The following RNF217 variants were observed in gnomAD, a reference collection of about 807,000 sequenced individuals.
RNF217 encodes the protein E3 ubiquitin-protein ligase RNF217.
In RNF217, 31 loss-of-function variants were observed where a neutral mutation model predicts 57.8. That is an observed-to-expected ratio of 0.54 (90% confidence interval 0.40 to 0.72). The LOEUF (loss-of-function observed/expected upper bound fraction) is 0.72, where lower values mean the gene tolerates loss of function less well. Among genes scored for constraint, RNF217 ranks in the 30% least tolerant of loss-of-function variants. The pLI is 0.00. For missense variants in RNF217, 696 were observed against 708.3 expected (o/e 0.98, Z 0.20); for synonymous variants, 313 against 294.0 (o/e 1.06, Z -0.66).
intron 1 of RNF217, among the ~76,000 whole-genome samples, chr6:125,018,711 A>T (rs1415010835): frequency 1.3e-5 from 2 of 152,336 alleles, no homozygotes; most frequent in Admixed American, 6.5e-5. Context: ...TTTGGTAAAG[A>T]TGGTAGTAGG....
intron 1 of RNF217, among the ~76,000 whole-genome samples, chr6:124,998,501 T>G (rs538902220): frequency 2.0e-5 from 3 of 152,304 alleles, no homozygotes; most frequent in Admixed American, 2.0e-4. Context: ...GTCATAACAT[T>G]TAAAAACTGT....
intron 1 of RNF217, among the ~76,000 whole-genome samples, chr6:124,967,326 C>T (rs1248460820): frequency 6.6e-6 from 1 of 152,162 alleles, no homozygotes; most frequent in Non-Finnish European, 1.5e-5. Flanking sequence ...TTATCTGTTG[C>T]CTTCTTTGTT....
intron 3 of RNF217, among the ~76,000 whole-genome samples, chr6:125,065,116 A>G (rs1439400640): frequency 6.6e-6 from 1 of 151,320 alleles, no homozygotes; most frequent in Non-Finnish European, 1.5e-5. Flanking sequence ...TCTACTAAAA[A>G]TAAAAAATAA....
intron 1 of RNF217, among the ~76,000 whole-genome samples, chr6:124,978,447 TG>T (rs767893055): frequency 8.0e-5 from 12 of 150,296 alleles, no homozygotes; most frequent in Non-Finnish European, 1.3e-4. Context: ...ATGAGGGGAA[TG>T]CGGTGGTGCC....
intron 2 of RNF217, among the ~76,000 whole-genome samples, chr6:125,053,646 A>G (rs1368215802): frequency 6.6e-6 from 1 of 152,038 alleles, no homozygotes; most frequent in Non-Finnish European, 1.5e-5. Context: ...TCCTTACTCG[A>G]CTTGATGAAT....
In RNF217 at chr6:124,963,422, C is replaced by T; in HGVS notation, c.878C>T (p.Ala293Val). 2 of 1,458,964 alleles carry T rather than the reference C, an allele frequency of 1.4e-6. No individual in the cohort carries two copies. Among genetic ancestry groups the T allele is most frequent in the South Asian group, 1.4e-5 (1 of 70,962 alleles). 90.4% of individuals were successfully genotyped at this position (1,458,964 alleles called of 1,614,324 possible). A position where few individuals can be genotyped will look rare whatever the true frequency, so the allele number is the denominator to read the frequency against. ...GAGTGCCTCAAAGTCTACCTGAGCG[C>T]CCAGGTAACTTCACCCCCTTCTCTT... ...CEECLKVYLS[A>V]QVQLGQVEIK... The change falls in exon 1 of 6, where the codon GCC becomes GTC. Residue 293 changes from alanine (A) to valine (V), a missense_variant. Coordinates refer to ENST00000521654, the MANE Select transcript of RNF217 (RefSeq NM_001286398.3).
chr6:124,964,984 T>A (rs1783481427), intron 1 of RNF217, among the ~76,000 whole-genome samples: 1 of 152,090 alleles, frequency 6.6e-6, no homozygotes, highest in South Asian at 2.1e-4. Context: ...TCAAGGGAGG[T>A]AGTCATTGTG....
chr6:125,064,437 T>A (rs1321968210), intron 3 of RNF217, among the ~76,000 whole-genome samples: 2 of 152,202 alleles, frequency 1.3e-5, no homozygotes, highest in African/African-American at 4.8e-5. Context: ...TAGTACTTGC[T>A]TACGGTCCTG....
chr6:125,044,401 T>C (rs936580045), intron 1 of RNF217, among the ~76,000 whole-genome samples: 1 of 152,110 alleles, frequency 6.6e-6, no homozygotes, highest in Non-Finnish European at 1.5e-5. Flanking sequence ...TGTCCACACT[T>C]TGTGCTTTAA....
chr6:124,976,692 A>G (rs542745899), intron 1 of RNF217, among the ~76,000 whole-genome samples: 1 of 151,986 alleles, frequency 6.6e-6, no homozygotes, highest in East Asian at 1.9e-4. Context: ...TTTTCTAGAG[A>G]TGGGGTTTCA....
chr6:124,997,040 G>A (rs538016854), intron 1 of RNF217, among the ~76,000 whole-genome samples: 4 of 152,182 alleles, frequency 2.6e-5, no homozygotes, highest in African/African-American at 7.2e-5. Flanking sequence ...CTACAAACAC[G>A]GACGTGCTGG....
intron 1 of RNF217, among the ~76,000 whole-genome samples, chr6:124,978,186 C>T (rs1255731720): frequency 6.6e-6 from 1 of 151,760 alleles, no homozygotes; most frequent in African/African-American, 2.4e-5. Flanking sequence ...AATATGGGGC[C>T]ATGTATATGA....
At chr6:125,075,576 C>T (rs1374074586) in intron 3 of RNF217, among the ~76,000 whole-genome samples, 1 of 152,060 alleles carries the variant, frequency 6.6e-6, no homozygotes, top group Non-Finnish European at 1.5e-5. Flanking sequence ...GGAAACTGCC[C>T]CCATGATCCA....
intron 1 of RNF217, among the ~76,000 whole-genome samples, chr6:124,968,730 C>G (rs531296105): frequency 5.3e-5 from 8 of 152,128 alleles, no homozygotes; most frequent in African/African-American, 1.9e-4. Flanking sequence ...TTTTTCCCTC[C>G]TAGAGCTTTT....
intron 1 of RNF217, among the ~76,000 whole-genome samples, chr6:124,986,753 G>A (rs1033926586): frequency 1.3e-5 from 2 of 152,082 alleles, no homozygotes. Flanking sequence ...GTAGGTACTT[G>A]TAATACAAGA....
intron 2 of RNF217, among the ~76,000 whole-genome samples, chr6:125,046,021 T>C (rs1221066293): frequency 1.3e-5 from 2 of 151,950 alleles, no homozygotes; most frequent in South Asian, 2.1e-4. Flanking sequence ...CACAAAGCTG[T>C]GTACATATAG....
intron 1 of RNF217, among the ~76,000 whole-genome samples, chr6:125,022,305 T>G (rs766744819): frequency 2.6e-5 from 4 of 152,220 alleles, no homozygotes; most frequent in Non-Finnish European, 5.9e-5. Flanking sequence ...AAAATTTATA[T>G]AGCTCCATTA....
chr6:125,007,249 A>ATTT (rs35223447), intron 1 of RNF217, among the ~76,000 whole-genome samples: 4 of 142,556 alleles, frequency 2.8e-5, no homozygotes, highest in Non-Finnish European at 4.6e-5. Context: ...CACTTTGAGC[A>ATTT]TTTTTTTTTT....
chr6:124,985,135 G>A (rs1244248987), intron 1 of RNF217, among the ~76,000 whole-genome samples: 2 of 152,152 alleles, frequency 1.3e-5, no homozygotes, highest in African/African-American at 4.8e-5. Context: ...ACTTAAAAGT[G>A]CAAGATCCAA....
Sources: gnomAD v4.1 joint callset for allele counts (sites outside exome capture counted in the v4.1 genomes callset) on GRCh38, gnomAD v4.1.1 for gene constraint, MANE v1.5 for transcripts, NCBI Gene and HGNC (gene_info 2026-07-23, HGNC 2026-07-21) for gene names.